Variants in EYS observed in about 807,000 individuals in gnomAD.
The protein encoded by EYS is protein eyes shut homolog.
Under a neutral mutation model 282.1 loss-of-function variants are expected in EYS, and 250 were observed. The observed-to-expected ratio is 0.89, with a 90% CI of 0.80 to 0.98. The LOEUF is 0.98. Among genes scored for constraint, EYS ranks in the 50% least tolerant of loss-of-function variants. The pLI is 0.00. For missense variants in EYS, 4,016 were observed against 3,709.0 expected, an observed-to-expected ratio of 1.08 and a Z score of -2.15; for synonymous variants, 1,355 against 1,282.9, an observed-to-expected ratio of 1.06 and a Z score of -1.20.
intron 31 of EYS, among the ~76,000 whole-genome samples, chr6:64,136,355 T>C (rs992154955): frequency 6.6e-6 from 1 of 152,064 alleles, no homozygotes; most frequent in African/African-American, 2.4e-5. Context: ...ATCAATTTCT[T>C]CTAAACTCCT....
chr6:64,777,934 G>A lies in EYS; in HGVS notation c.3443+35444C>T, dbSNP rs77498480. Among the ~76,000 whole-genome samples the A allele has an allele frequency of 2.4e-4, 36 of 152,142 alleles. No individual in the cohort carries two copies. In the East Asian group the frequency reaches 6.6e-3, roughly 28 times the overall value. ...AGATATATTAATTAAGAATATGAAT[G>A]TTTAAGGATAATTCTTAAGTTTCAA... On this transcript the variant is annotated intron_variant, in intron 22 of 42. Transcript: ENST00000503581.
chr6:64,559,050 C>G lies in EYS; in HGVS notation c.5644+31173G>C, dbSNP rs369859450. ...TTTGTTTGTTTGATCTTACAATTTC[C>G]AGTACCAAAAATTTTCACAAAAATT... On this transcript the variant is annotated intron_variant, in intron 26 of 42. Coordinates refer to ENST00000503581, the MANE Select transcript of EYS (RefSeq NM_001142800.2). Among the ~76,000 whole-genome samples, 47 of 152,110 alleles carry G rather than the reference C, an allele frequency of 3.1e-4. No homozygotes were observed. The South Asian group carries it at 5.8e-3, about 19-fold the overall frequency.
intron 13 of EYS, among the ~76,000 whole-genome samples, chr6:65,001,022 C>T (rs1771446510): frequency 6.6e-6 from 1 of 152,204 alleles, no homozygotes; most frequent in Admixed American, 6.5e-5. Flanking sequence ...CGCAGATAGG[C>T]AGGTGCAGAG....
Position 65,443,289 on chromosome 6 carries a change from T to C in EYS, c.863-37922A>G, listed in dbSNP as rs948452813. Among the ~76,000 whole-genome samples, 7 of 147,434 alleles carry C rather than the reference T, an allele frequency of 4.7e-5. 1 individual carries two copies. The highest frequency in any genetic ancestry group is 1.2e-4 in the African/African-American group (5 of 41,274). ...AAACATATAGACATGTATGCATGCA[T>C]ATATGCATACATGTGTGTACACATA... On this transcript the variant is annotated intron_variant, in intron 5 of 42. Transcript: ENST00000503581.
At chr6:65,439,711 C>A (rs557692676) in intron 5 of EYS, among the ~76,000 whole-genome samples, 1 of 152,196 alleles carries the variant, frequency 6.6e-6, no homozygotes. Flanking sequence ...TATCCTGAGA[C>A]TTTGCTGAAG....
At chr6:64,452,138 C>G in intron 26 of EYS, among the ~76,000 whole-genome samples, 1 of 152,172 alleles carries the variant, frequency 6.6e-6, no homozygotes, top group East Asian at 1.9e-4. Flanking sequence ...TCTCCTTAAG[C>G]TGATAAGCAA....
chr6:65,451,325 A>T (rs1282167836), intron 5 of EYS, among the ~76,000 whole-genome samples: 1 of 151,974 alleles, frequency 6.6e-6, no homozygotes, highest in Admixed American at 6.6e-5. Flanking sequence ...GTTTATTTAC[A>T]CCCCTCACAC....
intron 5 of EYS, among the ~76,000 whole-genome samples, chr6:65,429,550 T>C (rs1246166545): frequency 6.6e-6 from 1 of 152,164 alleles, no homozygotes; most frequent in Non-Finnish European, 1.5e-5. Context: ...TATACAGTAG[T>C]ATCAAGCACA....
chr6:65,577,935 G>A (rs1764732989), intron 2 of EYS, among the ~76,000 whole-genome samples: 1 of 151,288 alleles, frequency 6.6e-6, no homozygotes, highest in Non-Finnish European at 1.5e-5. Context: ...AAAGATAACT[G>A]CTGGAGAGGA....
At chr6:65,118,532 T>A (rs937044285) in intron 12 of EYS, among the ~76,000 whole-genome samples, 1 of 152,182 alleles carries the variant, frequency 6.6e-6, no homozygotes, top group South Asian at 2.1e-4. Context: ...TGGCATCACA[T>A]GTGTTTGCAG....
In EYS at chr6:65,486,311, C is replaced by T. The variant is rs548678395; in HGVS notation, c.862+4283G>A. 2.2e-3 allele frequency among the ~76,000 whole-genome samples: 340 copies of T among 152,100 alleles called. 2 individuals carry two copies. The highest frequency in any genetic ancestry group is 0.016 in the South Asian group (75 of 4,824). On this transcript the variant is annotated intron_variant, in intron 5 of 42. Transcript: ENST00000503581. ...GCATAATGTGCTTTTTTTCTTGCTT[C>T]TTTTCATCAACATTCAAAGTTTAGA...
At chr6:64,264,768 G>A (rs1250764796) in intron 30 of EYS, among the ~76,000 whole-genome samples, 1 of 151,880 alleles carries the variant, frequency 6.6e-6, no homozygotes, top group African/African-American at 2.4e-5. Flanking sequence ...AAATTTTCCG[G>A]GTGTGGGCTC....
At chr6:65,443,378 A>C (rs564248612) in intron 5 of EYS, among the ~76,000 whole-genome samples, 3 of 140,718 alleles carry the variant, frequency 2.1e-5, no homozygotes, top group South Asian at 4.5e-4. Context: ...ATGTACACAT[A>C]TAGACATATA....
intron 13 of EYS, among the ~76,000 whole-genome samples, chr6:65,000,050 T>C (rs1180937547): frequency 6.6e-6 from 1 of 152,190 alleles, no homozygotes; most frequent in East Asian, 1.9e-4. Context: ...ACAAGCCGCC[T>C]ATAGATGGCA....
At chr6:64,109,953 A>G (rs564804272) in intron 31 of EYS, among the ~76,000 whole-genome samples, 1 of 152,210 alleles carries the variant, frequency 6.6e-6, no homozygotes, top group African/African-American at 2.4e-5. Flanking sequence ...TCTCTCTTCT[A>G]TTAAAAACTA....
chr6:64,905,384 G>C (rs1261841695), intron 16 of EYS, among the ~76,000 whole-genome samples: 2 of 152,124 alleles, frequency 1.3e-5, no homozygotes, highest in Non-Finnish European at 2.9e-5. Flanking sequence ...CTGTTCCCCT[G>C]TTCTTTATTC....
At chr6:65,469,763 A>G (rs1412127020) in intron 5 of EYS, among the ~76,000 whole-genome samples, 3 of 152,038 alleles carry the variant, frequency 2.0e-5, no homozygotes, top group African/African-American at 7.2e-5. Flanking sequence ...CATATCTCTC[A>G]CTATCCTCAA....
intron 35 of EYS, among the ~76,000 whole-genome samples, chr6:63,978,049 G>T (rs999611765): frequency 2.0e-5 from 3 of 151,924 alleles, no homozygotes; most frequent in African/African-American, 7.2e-5. Flanking sequence ...GAACCTGCAG[G>T]ATATTCCAGT....
intron 30 of EYS, among the ~76,000 whole-genome samples, chr6:64,279,926 C>T (rs1320930847): frequency 6.6e-6 from 1 of 152,130 alleles, no homozygotes; most frequent in African/African-American, 2.4e-5. Flanking sequence ...CTGACTTGGC[C>T]TGGATTTAAT....
Sources: gnomAD v4.1 joint callset for allele counts (sites outside exome capture counted in the v4.1 genomes callset) on GRCh38, gnomAD v4.1.1 for gene constraint, MANE v1.5 for transcripts, NCBI Gene and HGNC (gene_info 2026-07-23, HGNC 2026-07-21) for gene names.